DENND1A: variants seen among roughly 807,000 people sequenced by gnomAD.
DENND1A encodes DENN domain-containing protein 1A.
DENND1A carries 51 observed loss-of-function variants against 113.7 expected under a neutral mutation model. The observed-to-expected ratio is 0.45, with a 90% CI of 0.36 to 0.57. The LOEUF is 0.57. Among genes scored for constraint, DENND1A ranks in the 20% least tolerant of loss-of-function variants. The pLI is 0.00. For missense variants in DENND1A, 1,258 were observed against 1,395.9 expected (o/e 0.90, Z 1.57); for synonymous variants, 565 against 570.8 (o/e 0.99, Z 0.14).
chr9:123,495,533 G>A (rs1013491749), intron 13 of DENND1A, among the ~76,000 whole-genome samples: 1 of 152,206 alleles, frequency 6.6e-6, no homozygotes, highest in Non-Finnish European at 1.5e-5. Flanking sequence ...AGGAGGCAAA[G>A]AGGAGAGAGC....
intron 2 of DENND1A, among the ~76,000 whole-genome samples, chr9:123,813,160 A>C (rs1164859380): frequency 6.6e-6 from 1 of 152,094 alleles, no homozygotes; most frequent in Non-Finnish European, 1.5e-5. Flanking sequence ...CAGGGATCTC[A>C]CTATGTTGTC....
intron 2 of DENND1A, among the ~76,000 whole-genome samples, chr9:123,794,168 G>T (rs1015539404): frequency 6.6e-6 from 1 of 152,200 alleles, no homozygotes; most frequent in Non-Finnish European, 1.5e-5. Flanking sequence ...GGCACCAAGA[G>T]TGTGGCAGGA....
chr9:123,871,542 A>C (rs1472359829), intron 2 of DENND1A, among the ~76,000 whole-genome samples: 1 of 152,242 alleles, frequency 6.6e-6, no homozygotes, highest in East Asian at 1.9e-4. Context: ...CAATATTTTA[A>C]GTCAGCAAAA....
At chr9:123,452,167 C>A in intron 17 of DENND1A, 109 bp downstream of exon 17, 2 of 1,047,468 alleles carry the variant, frequency 1.9e-6, no homozygotes, top group Non-Finnish European at 1.5e-6. Context: ...GCACTCCAGC[C>A]TGGGCAACAG....
rs563806569 is a variant in DENND1A at position 123,811,104 on chromosome 9, A to C, written c.89-18474T>G. On this transcript the variant is annotated intron_variant, in intron 2 of 23. Transcript: ENST00000394215. ...CCATCTTGCTTGAAGCCTGGACTAG[A>C]CCCTGTTATGCATTCAATCTGCTCT... Among the ~76,000 whole-genome samples, 7 of 152,122 alleles carry C rather than the reference A, an allele frequency of 4.6e-5. No individual in the cohort carries two copies. In the South Asian group the frequency reaches 1.5e-3, roughly 32 times the overall value.
intron 21 of DENND1A, among the ~76,000 whole-genome samples, chr9:123,389,199 G>T (rs1433946919): frequency 1.3e-5 from 2 of 152,252 alleles, no homozygotes; most frequent in Non-Finnish European, 2.9e-5. Flanking sequence ...ATCCGCCAGG[G>T]CTGGTGCCCA....
chr9:123,679,059 A>G (rs1471055881), intron 5 of DENND1A, among the ~76,000 whole-genome samples: 1 of 152,152 alleles, frequency 6.6e-6, no homozygotes, highest in Non-Finnish European at 1.5e-5. Flanking sequence ...GCAAAATACC[A>G]CTAGTTAAAT....
intron 21 of DENND1A, among the ~76,000 whole-genome samples, chr9:123,391,761 G>GAAAAAAAAA (rs5900572): frequency 7.2e-5 from 8 of 110,370 alleles, no homozygotes; most frequent in East Asian, 2.6e-4. Flanking sequence ...GGCAGAATAT[G>GAAAAAAAAA]AAAAAAAAAA....
At chr9:123,478,816 G>C (rs1450933951) in intron 13 of DENND1A, among the ~76,000 whole-genome samples, 1 of 152,184 alleles carries the variant, frequency 6.6e-6, no homozygotes, top group South Asian at 2.1e-4. Flanking sequence ...GATCCACAAG[G>C]GGACATGAAG....
In DENND1A at chr9:123,406,859, G is replaced by A. The variant is rs538542110; in HGVS notation, c.1543-3369C>T. On this transcript the variant is annotated intron_variant, in intron 20 of 23. Coordinates refer to ENST00000394215, the MANE Select transcript of DENND1A (RefSeq NM_001352964.2). ...CCCCGGGGCAGAGCTTTCAGGAAAG[G>A]TCAGACTTTAAGGCCTGTCAGCTCA... Among the ~76,000 whole-genome samples the A allele has an allele frequency of 6.6e-5, 10 of 152,282 alleles. No homozygotes were observed. The South Asian group carries it at 2.1e-3, about 32-fold the overall frequency.
intron 2 of DENND1A, among the ~76,000 whole-genome samples, chr9:123,859,454 C>T (rs1194482804): frequency 6.6e-6 from 1 of 151,180 alleles, no homozygotes; most frequent in Non-Finnish European, 1.5e-5. Flanking sequence ...CCTAATTTTA[C>T]AGATTAGCAA....
chr9:123,452,170 G>A, intron 17 of DENND1A, 106 bp downstream of exon 17: 1 of 1,075,972 alleles, frequency 9.3e-7, no homozygotes, highest in Non-Finnish European at 1.4e-6. Flanking sequence ...CTCCAGCCTG[G>A]GCAACAGAGC....
chr9:123,602,191 C>A (rs1367070520), intron 11 of DENND1A, among the ~76,000 whole-genome samples: 1 of 152,126 alleles, frequency 6.6e-6, no homozygotes, highest in Non-Finnish European at 1.5e-5. Flanking sequence ...TGCATATAAC[C>A]AATGCACATA....
chr9:123,521,482 T>C (rs2054391203), intron 13 of DENND1A, among the ~76,000 whole-genome samples: 1 of 152,222 alleles, frequency 6.6e-6, no homozygotes, highest in African/African-American at 2.4e-5. Context: ...GAGATACCCA[T>C]ATGACATTTA....
intron 8 of DENND1A, among the ~76,000 whole-genome samples, chr9:123,653,182 A>G (rs59637710): frequency 0.039 from 5,960 of 152,316 alleles, 155 homozygotes; most frequent in African/African-American, 0.072. Flanking sequence ...GCTGGGAGTA[A>G]AAATGGGCAC....
chr9:123,772,858 C>T (rs1829946117), intron 3 of DENND1A, among the ~76,000 whole-genome samples: 1 of 152,144 alleles, frequency 6.6e-6, no homozygotes, highest in Admixed American at 6.6e-5. Flanking sequence ...GGTTCCAACT[C>T]TTTTCATAAT....
chr9:123,655,307 G>C (rs556741316), intron 8 of DENND1A, among the ~76,000 whole-genome samples: 1 of 152,144 alleles, frequency 6.6e-6, no homozygotes, highest in African/African-American at 2.4e-5. Flanking sequence ...CAGCAAGCTC[G>C]GTGCACGGAG....
chr9:123,384,997 C>T (rs1426052990), intron 22 of DENND1A, among the ~76,000 whole-genome samples: 1 of 151,962 alleles, frequency 6.6e-6, no homozygotes, highest in Non-Finnish European at 1.5e-5. Context: ...AACAAAAAAC[C>T]CCACACCACT....
intron 21 of DENND1A, among the ~76,000 whole-genome samples, chr9:123,396,234 C>T (rs1281397204): frequency 2.0e-5 from 3 of 152,218 alleles, no homozygotes; most frequent in Non-Finnish European, 4.4e-5. Flanking sequence ...TAATAGGCAT[C>T]ATGTTAAGAA....
Sources: gnomAD v4.1 joint callset for allele counts (sites outside exome capture counted in the v4.1 genomes callset) on GRCh38, gnomAD v4.1.1 for gene constraint, MANE v1.5 for transcripts, NCBI Gene and HGNC (gene_info 2026-07-23, HGNC 2026-07-21) for gene names.